PRKG1: variants seen among roughly 807,000 people sequenced by gnomAD.
PRKG1 encodes cGMP-dependent protein kinase 1.
PRKG1 carries 35 observed loss-of-function variants against 88.1 expected under a neutral mutation model. That is an observed-to-expected ratio of 0.40 (90% CI 0.30 to 0.53). The LOEUF is 0.53. Among genes scored for constraint, PRKG1 ranks in the 20% least tolerant of loss-of-function variants. PRKG1 has a pLI of 0.59. For missense variants in PRKG1, 540 were observed against 839.8 expected, an observed-to-expected ratio of 0.64 and a Z score of 4.41; for synonymous variants, 303 against 292.5, an observed-to-expected ratio of 1.04 and a Z score of -0.37.
chr10:52,065,966 G>C (rs1398077907), intron 7 of PRKG1, among the ~76,000 whole-genome samples: 2 of 152,004 alleles, frequency 1.3e-5, no homozygotes, highest in Non-Finnish European at 2.9e-5. Flanking sequence ...GGTCGCAAGT[G>C]GAATGCCAGA....
At chr10:51,595,809 C>T (rs921252385) in intron 3 of PRKG1, among the ~76,000 whole-genome samples, 1 of 151,812 alleles carries the variant, frequency 6.6e-6, no homozygotes, top group African/African-American at 2.4e-5. Flanking sequence ...ATACTTTTAC[C>T]ATTAGTACTT....
intron 4 of PRKG1, among the ~76,000 whole-genome samples, chr10:51,819,607 G>C (rs1030560297): frequency 3.3e-5 from 5 of 152,246 alleles, no homozygotes; most frequent in African/African-American, 1.2e-4. Context: ...TTGAAGCTGG[G>C]TTTGATAAAA....
rs189130910 is a variant in PRKG1 at position 52,039,253 on chromosome 10, T to C, written c.763-15231T>C. On this transcript the variant is annotated intron_variant, in intron 5 of 17. Coordinates refer to ENST00000373980, the MANE Select transcript of PRKG1 (RefSeq NM_006258.4). ...AGGGGTGGGGCCATTTTATAGGATC[T>C]GGGTAGGTAAAGGAAAATTAGTCAA... Among the ~76,000 whole-genome samples, 408 of 151,546 alleles carry C rather than the reference T, an allele frequency of 2.7e-3. 1 individual carries two copies. Among genetic ancestry groups the C allele is most frequent in the Non-Finnish European group, 4.6e-3 (309 of 67,866 alleles).
At chr10:52,171,123 G>T (rs1347130897) in intron 9 of PRKG1, among the ~76,000 whole-genome samples, 2 of 129,182 alleles carry the variant, frequency 1.5e-5, no homozygotes, top group Non-Finnish European at 3.1e-5. Flanking sequence ...TCTTATTGGT[G>T]TGTTTTTTTT....
intron 3 of PRKG1, among the ~76,000 whole-genome samples, chr10:51,732,007 C>A (rs1308156491): frequency 2.2e-5 from 3 of 137,312 alleles, no homozygotes; most frequent in African/African-American, 2.8e-5. Flanking sequence ...CCCCCTCCGC[C>A]CCCGTCCCTC....
rs994520434 is a variant in PRKG1 at position 51,174,073 on chromosome 10, A to T, written c.478+20743A>T. Among the ~76,000 whole-genome samples, 6 of 151,940 alleles carry T rather than the reference A, an allele frequency of 3.9e-5. No homozygotes were observed. In the East Asian group the frequency reaches 1.2e-3, roughly 29 times the overall value. On this transcript the variant is annotated intron_variant, in intron 2 of 17. Coordinates refer to ENST00000373980, the MANE Select transcript of PRKG1 (RefSeq NM_006258.4). Reference sequence around the variant, plus strand: ...AATTAATGTTACTAGTCAAAAATAGATCTTAAATGTTTTCACCACAAAAAT... The same window carrying T: ...AATTAATGTTACTAGTCAAAAATAGTTCTTAAATGTTTTCACCACAAAAAT...
chr10:51,961,332 G>A (rs1194537323), intron 5 of PRKG1, among the ~76,000 whole-genome samples: 1 of 152,022 alleles, frequency 6.6e-6, no homozygotes, highest in Non-Finnish European at 1.5e-5. Context: ...TTTTTGATCT[G>A]CGTTTGGTTG....
At chr10:52,025,659 G>A (rs999662390) in intron 5 of PRKG1, among the ~76,000 whole-genome samples, 2 of 151,554 alleles carry the variant, frequency 1.3e-5, no homozygotes, top group African/African-American at 4.8e-5. Context: ...TTATTTCTGA[G>A]GTCTCTGTTC....
At chr10:51,679,739 A>G (rs1174117843) in intron 3 of PRKG1, among the ~76,000 whole-genome samples, 2 of 94,130 alleles carry the variant, frequency 2.1e-5, no homozygotes, top group Admixed American at 1.1e-4. Context: ...TTTTTTTATT[A>G]TACTCTAAGT....
At position 52,147,980 on chromosome 10, in the gene PRKG1, G is replaced by A. The variant is rs565442321; in HGVS notation, c.1002-13909G>A. ...TGTATCCGGAGAGTTCAAGGATACG[G>A]ATATAGATTTGAAGGTCATCGGCCT... On this transcript the variant is annotated intron_variant, in intron 8 of 17. Coordinates refer to ENST00000373980, the MANE Select transcript of PRKG1 (RefSeq NM_006258.4). Among the ~76,000 whole-genome samples the A allele has an allele frequency of 9.2e-5, 14 of 152,290 alleles. No homozygotes were observed. The East Asian group carries it at 2.5e-3, about 27-fold the overall frequency.
At chr10:52,109,979 G>C (rs538708540) in intron 7 of PRKG1, among the ~76,000 whole-genome samples, 4 of 151,930 alleles carry the variant, frequency 2.6e-5, no homozygotes, top group African/African-American at 9.7e-5. Context: ...TAAAGTCATT[G>C]TAACAGTGCA....
intron 7 of PRKG1, among the ~76,000 whole-genome samples, chr10:52,103,986 ATG>A (rs142403838): frequency 3.7e-4 from 53 of 144,020 alleles, no homozygotes; most frequent in East Asian, 1.7e-3. Flanking sequence ...TTATGACTTC[ATG>A]TGTGTGTGTG....
intron 1 of PRKG1, among the ~76,000 whole-genome samples, chr10:51,056,021 A>G (rs1843622326): frequency 6.6e-6 from 1 of 152,166 alleles, no homozygotes; most frequent in African/African-American, 2.4e-5. Flanking sequence ...AGCATCAAAC[A>G]ATGAAAACCT....
chr10:52,110,681 A>C (rs1433953762), intron 7 of PRKG1, among the ~76,000 whole-genome samples: 13 of 152,130 alleles, frequency 8.5e-5, no homozygotes, highest in Admixed American at 3.9e-4. Flanking sequence ...GTGCAAAGAG[A>C]GAAGTGTTTA....
chr10:51,662,687 AAAG>A (rs1374785026), intron 3 of PRKG1, among the ~76,000 whole-genome samples: 1 of 152,186 alleles, frequency 6.6e-6, no homozygotes, highest in East Asian at 1.9e-4. Context: ...ACTAAGGAGA[AAAG>A]TATAAAAGGA....
chr10:52,144,455 C>A (rs1432722905), intron 8 of PRKG1, among the ~76,000 whole-genome samples: 1 of 152,114 alleles, frequency 6.6e-6, no homozygotes, highest in African/African-American at 2.4e-5. Flanking sequence ...CTCAAACAGG[C>A]AGACTTTTAA....
chr10:51,415,725 C>G (rs773193068), intron 2 of PRKG1, among the ~76,000 whole-genome samples: 1 of 152,128 alleles, frequency 6.6e-6, no homozygotes, highest in African/African-American at 2.4e-5. Flanking sequence ...AAATCCTTCC[C>G]GACACAAGCT....
chr10:51,943,919 T>G (rs1343575124), intron 5 of PRKG1, among the ~76,000 whole-genome samples: 1 of 152,046 alleles, frequency 6.6e-6, no homozygotes, highest in East Asian at 1.9e-4. Context: ...AATTCTCTTT[T>G]TTGGTTGTGT....
At chr10:51,960,797 A>G (rs1843429196) in intron 5 of PRKG1, among the ~76,000 whole-genome samples, 1 of 152,180 alleles carries the variant, frequency 6.6e-6, no homozygotes, top group South Asian at 2.1e-4. Context: ...GGATCTCAAA[A>G]GCATGATATC....
Sources: allele counts gnomAD v4.1 joint callset (sites outside exome capture counted in the v4.1 genomes callset), GRCh38; gene constraint gnomAD v4.1.1; transcripts MANE v1.5; gene names NCBI Gene and HGNC (gene_info 2026-07-23, HGNC 2026-07-21).